The following PRKDC variants were observed in gnomAD, a reference collection of about 807,000 sequenced individuals.
PRKDC encodes protein kinase, DNA-activated, catalytic subunit, also known as DNA-dependent protein kinase catalytic subunit.
Under a neutral mutation model 486.9 loss-of-function variants are expected in PRKDC, and 82 were observed. The ratio of observed to expected loss-of-function variants is 0.17; its 90% CI spans 0.14 to 0.20. PRKDC has a LOEUF of 0.20. Ranked by LOEUF, PRKDC falls within the 10% of genes least tolerant of loss-of-function variation. The pLI, the probability that PRKDC is intolerant of heterozygous loss-of-function variation, is 1.00. For synonymous variants in PRKDC, 1,895 were observed against 1,837.0 expected (o/e 1.03, Z -0.81); for missense variants, 4,504 against 5,038.2 (o/e 0.89, Z 3.21).
intron 76 of PRKDC, among the ~76,000 whole-genome samples, chr8:47,788,633 A>G (rs1463321153): frequency 6.6e-6 from 1 of 152,212 alleles, no homozygotes; most frequent in South Asian, 2.1e-4. Flanking sequence ...ATCCCAATCT[A>G]TATGTAACTT....
At chr8:47,786,979 G>A (rs376823471) in intron 76 of PRKDC, among the ~76,000 whole-genome samples, 6 of 151,814 alleles carry the variant, frequency 4.0e-5, no homozygotes, top group East Asian at 1.9e-4. Context: ...CGCCCGCCTC[G>A]CGCTCCCAAA....
Position 47,782,547 on chromosome 8 carries a change from G to T in PRKDC, c.11227C>A (p.His3743Asn). The change falls in exon 79 of 86, where the codon CAT (histidine) becomes AAT (asparagine). Residue 3743 changes from histidine (H) to asparagine (N), a missense_variant. Coordinates refer to ENST00000314191, the MANE Select transcript of PRKDC (RefSeq NM_006904.7). The surrounding 1 kb of genome is among the most constrained non-coding windows in gnomAD (Gnocchi z 4.9). ...RRPKRIIIRGHDEREHPFLVK... is the reference protein window; with the variant it reads ...RRPKRIIIRGNDEREHPFLVK... ...AGGAAAGGGTGTTCCCTCTCGTCAT[G>T]GCCACGGATGATGATGCGCTTGGGC... is the stretch of plus-strand genomic sequence containing the variant. 6.4e-7 allele frequency: 1 copy of T among 1,573,634 alleles called. No homozygotes were observed. Among genetic ancestry groups the T allele is most frequent in the South Asian group, 1.2e-5 (1 of 85,586 alleles).
intron 40 of PRKDC, among the ~76,000 whole-genome samples, chr8:47,866,891 T>G (rs934082121): frequency 6.6e-6 from 1 of 152,048 alleles, no homozygotes; most frequent in East Asian, 1.9e-4. Flanking sequence ...CACAACAGCA[T>G]TATTATTATT....
chr8:47,849,992 G>A (rs2088365220), intron 52 of PRKDC, among the ~76,000 whole-genome samples: 1 of 152,170 alleles, frequency 6.6e-6, no homozygotes, highest in Non-Finnish European at 1.5e-5. Flanking sequence ...GTCTGCTCAT[G>A]TCCTGCCTCT....
chr8:47,950,624 G>A lies in PRKDC; in HGVS notation c.721+2996C>T, dbSNP rs542769305. Among the ~76,000 whole-genome samples, 30 of 141,842 alleles carry A rather than the reference G, an allele frequency of 2.1e-4. No individual in the cohort carries two copies. The East Asian group carries it at 4.1e-3, about 19-fold the overall frequency. The allele number at this position is 141,842 out of a possible 152,430, so 93.1% of individuals were successfully genotyped here. A position where few individuals can be genotyped will look rare whatever the true frequency, so the allele number is the denominator to read the frequency against. On this transcript the variant is annotated intron_variant, in intron 7 of 85. Transcript: ENST00000314191. ...AGCCTGGGCGACAGAGCAAGACTCC[G>A]GAAAAAAAAAAAAAAAAAAGATTAT...
intron 76 of PRKDC, among the ~76,000 whole-genome samples, chr8:47,787,349 T>C (rs1444491559): frequency 1.3e-5 from 2 of 152,226 alleles, no homozygotes; most frequent in African/African-American, 4.8e-5. Context: ...GATCTGTAAG[T>C]GGATGAAAAA....
rs2088481014 is a variant in PRKDC at position 47,854,179 on chromosome 8, T to C, written c.6797A>G (p.Asn2266Ser). ...IFEKFSGKDPNSKDNSVGIQL... is the reference protein window; with the variant it reads ...IFEKFSGKDPSSKDNSVGIQL... ...AATCCCTACTGAGTTGTCTTTAGAA[T>C]TAGGATCTTTACCGGAAAACTTTTC... is the stretch of plus-strand genomic sequence containing the variant. The change falls in exon 51 of 86, where the codon AAT (asparagine) becomes AGT (serine). Residue 2266 changes from asparagine to serine, a missense_variant. Asn to Ser is a conservative substitution (Grantham distance 46). Transcript: ENST00000314191. 9 of 1,613,466 alleles carry C rather than the reference T, an allele frequency of 5.6e-6. No homozygotes were observed. The highest frequency in any genetic ancestry group is 7.6e-6 in the Non-Finnish European group (9 of 1,179,504).
intron 76 of PRKDC, among the ~76,000 whole-genome samples, chr8:47,788,155 G>GTTC (rs1208903381): frequency 6.6e-6 from 1 of 152,228 alleles, no homozygotes; most frequent in East Asian, 1.9e-4. Context: ...AGATTGTAAA[G>GTTC]TAAGCTGTTT....
At chr8:47,915,210 T>C (rs528080171) in intron 23 of PRKDC, 118 bp downstream of exon 23, 4 of 584,338 alleles carry the variant, frequency 6.8e-6, no homozygotes, top group South Asian at 2.7e-5. Context: ...TATAATCTTA[T>C]TTAGAAATAT....
rs1158511390 is a variant in PRKDC, at chr8:47,927,409, G to GA, written c.2260-57dup. ...AACGCAGGAAATATAAGATTTAGAG[G>GA]AAAAAAACACCAAGTAATTGTGATT... is the stretch of plus-strand genomic sequence containing the variant. On this transcript the variant is annotated intron_variant, in intron 20 of 85. Transcript: ENST00000314191. 13 of 1,519,120 alleles carry GA rather than the reference G, an allele frequency of 8.6e-6. No individual in the cohort carries two copies. In the East Asian group the frequency reaches 2.3e-4, roughly 27 times the overall value. The allele number at this position is 1,519,120 out of a possible 1,614,324, so 94.1% of individuals were successfully genotyped here.
intron 4 of PRKDC, among the ~76,000 whole-genome samples, chr8:47,955,233 C>T (rs1450789038): frequency 1.3e-5 from 2 of 151,210 alleles, no homozygotes; most frequent in Admixed American, 1.3e-4. Context: ...GAGGCCGAGG[C>T]GGGCGGATCA....
chr8:47,878,250 C>T lies in PRKDC; in HGVS notation c.5236-399G>A, dbSNP rs992541203. On this transcript the variant is annotated intron_variant, in intron 39 of 85. Transcript: ENST00000314191. ...CCTTCCGAGTAGCTGGGACTACAGG[C>T]GCCCGCCACCACGCCTGGCTAATTG... 8.6e-5 allele frequency among the ~76,000 whole-genome samples: 13 copies of T among 151,994 alleles called. No homozygotes were observed. The South Asian group carries it at 1.2e-3, about 15-fold the overall frequency.
In PRKDC at chr8:47,943,313, C is replaced by A; in HGVS notation, c.862G>T (p.Asp288Tyr). 1 of 1,612,008 alleles carries A rather than the reference C, an allele frequency of 6.2e-7. No individual in the cohort carries two copies. The highest frequency in any genetic ancestry group is 8.5e-7 in the Non-Finnish European group (1 of 1,178,934). ...HASQFSTCLL[D>Y]NYVSLFEVLL... ...ACTTCAAATAGAGACACGTAGTTGTCCAGAAGGCAGGTGCTAAACTGAGAT... is the reference window on the plus strand; with the variant it reads ...ACTTCAAATAGAGACACGTAGTTGTACAGAAGGCAGGTGCTAAACTGAGAT... Residue 288 changes from aspartate to tyrosine, a missense_variant, in exon 10 of 86, where the codon GAC (aspartate) becomes TAC (tyrosine). Physicochemically the swap from Asp to Tyr is radical, Grantham distance 160. This residue lies in a region of PRKDC where 1,969 missense variants were observed against 2,068.9 expected (regional missense o/e 0.95). Coordinates refer to ENST00000314191, the MANE Select transcript of PRKDC (RefSeq NM_006904.7).
At chr8:47,948,137 T>C (rs942394058) in intron 7 of PRKDC, among the ~76,000 whole-genome samples, 1 of 151,362 alleles carries the variant, frequency 6.6e-6, no homozygotes, top group Non-Finnish European at 1.5e-5. Flanking sequence ...CGTTTATATA[T>C]ATGTATATAT....
At chr8:47,943,630 C>G (rs764391086) in intron 9 of PRKDC, among the ~76,000 whole-genome samples, 2 of 152,128 alleles carry the variant, frequency 1.3e-5, no homozygotes, top group Non-Finnish European at 2.9e-5. Context: ...GCCTGGATCC[C>G]CTGAAAGATA....
chr8:47,856,032 C>T (rs1273141375), intron 49 of PRKDC, among the ~76,000 whole-genome samples: 1 of 152,236 alleles, frequency 6.6e-6, no homozygotes, highest in Non-Finnish European at 1.5e-5. Context: ...CCACTGACAG[C>T]TACATCAATC....
chr8:47,898,414 C>T, intron 29 of PRKDC, 56 bp downstream of exon 29: 1 of 1,355,820 alleles, frequency 7.4e-7, no homozygotes. Flanking sequence ...CCTTCATTAG[C>T]TGTGAATTAG....
chr8:47,944,306 A>G (rs1322936042), intron 7 of PRKDC, among the ~76,000 whole-genome samples: 2 of 152,156 alleles, frequency 1.3e-5, no homozygotes, highest in African/African-American at 4.8e-5. Context: ...CTCATCACTT[A>G]AAAGCTCTGT....
chr8:47,921,333 T>C (rs908612069), intron 21 of PRKDC, among the ~76,000 whole-genome samples: 19 of 152,224 alleles, frequency 1.2e-4, no homozygotes, highest in African/African-American at 4.3e-4. Flanking sequence ...GTAAACTTTT[T>C]ATTTCCCAAG....
Sources: gnomAD v4.1 joint callset for allele counts (sites outside exome capture counted in the v4.1 genomes callset) on GRCh38, gnomAD v4.1.1 for gene constraint, gnomAD v4.1.1 regional missense constraint, Gnocchi (gnomAD v3.1) non-coding constraint, MANE v1.5 for transcripts, NCBI Gene and HGNC (gene_info 2026-07-23, HGNC 2026-07-21) for gene names.